NR6A1: variants seen among roughly 807,000 people sequenced by gnomAD.
The protein encoded by NR6A1 is nuclear receptor subfamily 6 group A member 1.
A neutral mutation model predicts 59.1 loss-of-function variants in NR6A1; 7 were observed. The ratio of observed to expected loss-of-function variants is 0.12; its 90% CI spans 0.07 to 0.22. NR6A1 has a LOEUF of 0.22. NR6A1 is among the 10% of genes least tolerant of loss of function. NR6A1 has a pLI of 1.00. For synonymous variants in NR6A1, 243 were observed against 236.1 expected, an observed-to-expected ratio of 1.03 and a Z score of -0.27; for missense variants, 468 against 611.6, an observed-to-expected ratio of 0.77 and a Z score of 2.48.
At chr9:124,661,402 T>G (rs1246729269) in intron 2 of NR6A1, among the ~76,000 whole-genome samples, 1 of 152,188 alleles carries the variant, frequency 6.6e-6, no homozygotes, top group Non-Finnish European at 1.5e-5. Flanking sequence ...CAGACTGGTG[T>G]CCATTTCAAC....
At chr9:124,620,329 C>G (rs554599569) in intron 2 of NR6A1, among the ~76,000 whole-genome samples, 1 of 152,216 alleles carries the variant, frequency 6.6e-6, no homozygotes, top group South Asian at 2.1e-4. Flanking sequence ...GCATGAAGTA[C>G]TTTTATAATT....
At chr9:124,637,019 T>C (rs186667190) in intron 2 of NR6A1, among the ~76,000 whole-genome samples, 11 of 152,252 alleles carry the variant, frequency 7.2e-5, no homozygotes, top group Admixed American at 6.5e-4. Flanking sequence ...ATGTACTTAC[T>C]ACATTAGAGA....
intron 2 of NR6A1, among the ~76,000 whole-genome samples, chr9:124,645,848 T>C (rs778896863): frequency 1.3e-5 from 2 of 152,152 alleles, no homozygotes; most frequent in Non-Finnish European, 2.9e-5. Flanking sequence ...CATGAAACAT[T>C]TACCAAAACA....
intron 2 of NR6A1, among the ~76,000 whole-genome samples, chr9:124,702,266 T>C (rs1365565810): frequency 6.6e-6 from 1 of 152,190 alleles, no homozygotes; most frequent in East Asian, 1.9e-4. Context: ...TGGTGCACTC[T>C]GAGTTACTTT....
chr9:124,601,986 T>C (rs888305238), intron 2 of NR6A1, among the ~76,000 whole-genome samples: 1 of 152,160 alleles, frequency 6.6e-6, no homozygotes, highest in African/African-American at 2.4e-5. Flanking sequence ...CCAAATGCAA[T>C]ATATGTACTT....
At chr9:124,537,820 T>A (rs187100783) in intron 6 of NR6A1, among the ~76,000 whole-genome samples, 5 of 152,258 alleles carry the variant, frequency 3.3e-5, no homozygotes, top group Admixed American at 3.3e-4. Flanking sequence ...TCCCAGCACC[T>A]GGCTTACCTA....
At chr9:124,541,290 C>T (rs28858220) in intron 4 of NR6A1, among the ~76,000 whole-genome samples, 1 of 151,844 alleles carries the variant, frequency 6.6e-6, no homozygotes. Context: ...AGAAAAAAAA[C>T]AAAACAAAAC....
intron 1 of NR6A1, among the ~76,000 whole-genome samples, chr9:124,742,542 A>G (rs1840203833): frequency 6.6e-6 from 1 of 151,910 alleles, no homozygotes. Context: ...CCTGGGCAGG[A>G]AGAGCGAAAC....
intron 1 of NR6A1, among the ~76,000 whole-genome samples, chr9:124,744,918 A>G (rs1840281584): frequency 2.6e-5 from 4 of 152,220 alleles, no homozygotes; most frequent in Admixed American, 2.6e-4. Flanking sequence ...GAGATGTCCC[A>G]CATGTGGCAG....
chr9:124,719,161 G>A (rs1212979075), intron 2 of NR6A1, among the ~76,000 whole-genome samples: 2 of 151,622 alleles, frequency 1.3e-5, no homozygotes, highest in Admixed American at 6.6e-5. Flanking sequence ...GTGCAGTGGT[G>A]CGATCACAAC....
chr9:124,649,252 A>C (rs1252296460), intron 2 of NR6A1, among the ~76,000 whole-genome samples: 4 of 151,282 alleles, frequency 2.6e-5, no homozygotes, highest in African/African-American at 9.7e-5. Context: ...AAAAAAAAAA[A>C]AAAGACACAT....
At chr9:124,624,912 G>GTTTTT (rs71492418) in intron 2 of NR6A1, among the ~76,000 whole-genome samples, 6 of 134,824 alleles carry the variant, frequency 4.5e-5, no homozygotes, top group South Asian at 4.7e-4. Context: ...TTGCTAGCTT[G>GTTTTT]TTTTTTTTTT....
intron 7 of NR6A1, among the ~76,000 whole-genome samples, chr9:124,535,261 T>G (rs1302758257): frequency 6.6e-6 from 1 of 151,920 alleles, no homozygotes; most frequent in Non-Finnish European, 1.5e-5. Flanking sequence ...TTTTCCTGGA[T>G]GCGTTATCTC....
chr9:124,578,885 C>T (rs969663649), intron 2 of NR6A1, among the ~76,000 whole-genome samples: 5 of 152,158 alleles, frequency 3.3e-5, no homozygotes, highest in Admixed American at 2.0e-4. Context: ...TTTCTCATTG[C>T]TAAAAGGGCA....
intron 2 of NR6A1, among the ~76,000 whole-genome samples, chr9:124,715,892 T>C (rs1839406607): frequency 1.3e-5 from 2 of 152,172 alleles, no homozygotes; most frequent in South Asian, 4.1e-4. Flanking sequence ...TCACAATTAT[T>C]TTTCAGCAAG....
intron 2 of NR6A1, among the ~76,000 whole-genome samples, chr9:124,720,403 G>T (rs1839531458): frequency 6.6e-6 from 1 of 152,136 alleles, no homozygotes; most frequent in African/African-American, 2.4e-5. Flanking sequence ...TAAACATCCT[G>T]GAAGTCAAAC....
rs1314080607 is a variant in NR6A1, at chr9:124,690,779, CACTT to C, written c.142+42525_142+42528del. 4.6e-5 allele frequency among the ~76,000 whole-genome samples: 7 copies of C among 152,112 alleles called. 1 individual carries two copies. The highest frequency in any genetic ancestry group is 3.9e-4 in the Admixed American group (6 of 15,278). ...AGTATATAAACCCCTTAGCCAAACT[CACTT>C]AAAAAACCCAAATGTGTGCTCAAAC... On this transcript the variant is annotated intron_variant, in intron 2 of 9. Coordinates refer to ENST00000487099, the MANE Select transcript of NR6A1 (RefSeq NM_033334.4).
intron 2 of NR6A1, among the ~76,000 whole-genome samples, chr9:124,723,904 T>C (rs1839636855): frequency 1.3e-5 from 2 of 152,192 alleles, no homozygotes; most frequent in African/African-American, 4.8e-5. Context: ...TTCTTAATTA[T>C]AAGAGCAGCT....
At chr9:124,768,093 A>G (rs769181622) in intron 1 of NR6A1, among the ~76,000 whole-genome samples, 5 of 152,100 alleles carry the variant, frequency 3.3e-5, no homozygotes, top group Non-Finnish European at 7.3e-5. Context: ...CTAGAAAGAA[A>G]CTCTGTTCTG....
Sources: gnomAD v4.1 joint callset for allele counts (sites outside exome capture counted in the v4.1 genomes callset) on GRCh38, gnomAD v4.1.1 for gene constraint, MANE v1.5 for transcripts, NCBI Gene and HGNC (gene_info 2026-07-23, HGNC 2026-07-21) for gene names.